The following GRAP2 variants were observed in gnomAD, a reference collection of about 807,000 sequenced individuals.
GRAP2 encodes the protein GRB2 related adaptor protein 2.
A neutral mutation model predicts 43.5 loss-of-function variants in GRAP2; 31 were observed. The ratio of observed to expected loss-of-function variants is 0.71; its 90% CI spans 0.54 to 0.96. The LOEUF (loss-of-function observed/expected upper bound fraction) is 0.96, where lower values mean the gene tolerates loss of function less well. Among genes scored for constraint, GRAP2 ranks in the 40% least tolerant of loss-of-function variants. The pLI, the probability that GRAP2 is intolerant of heterozygous loss-of-function variation, is 0.00. For synonymous variants in GRAP2, 156 were observed against 164.8 expected, an observed-to-expected ratio of 0.95 and a Z score of 0.41; for missense variants, 371 against 424.4, an observed-to-expected ratio of 0.87 and a Z score of 1.11.
chr22:39,941,401 G>A (rs527824380), intron 1 of GRAP2, among the ~76,000 whole-genome samples: 3 of 152,168 alleles, frequency 2.0e-5, no homozygotes, highest in Admixed American at 6.5e-5. Flanking sequence ...CTACTACTAG[G>A]CCTATATTCT....
intron 1 of GRAP2, among the ~76,000 whole-genome samples, chr22:39,928,821 C>T (rs1388847175): frequency 6.6e-6 from 1 of 152,186 alleles, no homozygotes; most frequent in Non-Finnish European, 1.5e-5. Context: ...CTGATGGGAA[C>T]AACAGAGCTG....
At chr22:39,898,986 T>A (rs1004179420), upstream of GRAP2, among the ~76,000 whole-genome samples, 1 of 152,250 alleles carries the variant, frequency 6.6e-6, no homozygotes, top group Non-Finnish European at 1.5e-5. Flanking sequence ...CTCATCTTGC[T>A]GCTATTTTTC....
intron 1 of GRAP2, among the ~76,000 whole-genome samples, chr22:39,907,925 T>C (rs2066534239): frequency 6.6e-6 from 1 of 152,194 alleles, no homozygotes; most frequent in Non-Finnish European, 1.5e-5. Flanking sequence ...GCACCAAGCC[T>C]GTCACGCTGT....
chr22:39,913,597 G>A (rs149738460), intron 1 of GRAP2, among the ~76,000 whole-genome samples: 115 of 152,280 alleles, frequency 7.6e-4, no homozygotes, highest in African/African-American at 2.7e-3. Context: ...TGGTTGACTT[G>A]CAAGAAGGGG....
At chr22:39,916,045 A>G (rs1480838260) in intron 1 of GRAP2, among the ~76,000 whole-genome samples, 1 of 151,980 alleles carries the variant, frequency 6.6e-6, no homozygotes, top group Non-Finnish European at 1.5e-5. Context: ...ACCTTCCCAA[A>G]TCCTAGCTGA....
At chr22:39,956,145 G>A (rs530235485) in intron 3 of GRAP2, among the ~76,000 whole-genome samples, 1 of 150,608 alleles carries the variant, frequency 6.6e-6, no homozygotes, top group South Asian at 2.1e-4. Context: ...GCTATTTTAA[G>A]TTGTTCTTAA....
chr22:39,907,604 C>A (rs1243292186), intron 1 of GRAP2, among the ~76,000 whole-genome samples: 1 of 151,938 alleles, frequency 6.6e-6, no homozygotes, highest in Non-Finnish European at 1.5e-5. Context: ...TAGCCAGGCC[C>A]AGTGGCCCGC....
intron 1 of GRAP2, among the ~76,000 whole-genome samples, chr22:39,920,479 CAGCCTCCA>C (rs2066640180): frequency 6.6e-6 from 1 of 152,214 alleles, no homozygotes; most frequent in South Asian, 2.1e-4. Flanking sequence ...TCTCCGGAAC[CAGCCTCCA>C]GGCCTCCTGC....
chr22:39,898,883 G>A (rs1218991735), upstream of GRAP2, among the ~76,000 whole-genome samples: 1 of 151,894 alleles, frequency 6.6e-6, no homozygotes, highest in Non-Finnish European at 1.5e-5. Context: ...CCCTCAAAAG[G>A]AATTGATTAA....
At chr22:39,917,732 T>C (rs1368259139) in intron 1 of GRAP2, among the ~76,000 whole-genome samples, 1 of 152,180 alleles carries the variant, frequency 6.6e-6, no homozygotes, top group Non-Finnish European at 1.5e-5. Context: ...ATGGCAAAAA[T>C]TGAGCAGAAT....
chr22:39,895,594 A>C, the GRAP2 span, among the ~76,000 whole-genome samples: 2 of 152,228 alleles, frequency 1.3e-5, no homozygotes, highest in African/African-American at 4.8e-5. Flanking sequence ...TGTATAGCTT[A>C]TGTAAATCTC....
At chr22:39,941,850 A>G (rs1327409718) in intron 1 of GRAP2, among the ~76,000 whole-genome samples, 2 of 151,928 alleles carry the variant, frequency 1.3e-5, no homozygotes, top group Admixed American at 6.6e-5. Context: ...GTTCTATATC[A>G]ACAGGAGAGG....
At chr22:39,925,326 C>A (rs993167434) in intron 1 of GRAP2, among the ~76,000 whole-genome samples, 4 of 152,184 alleles carry the variant, frequency 2.6e-5, no homozygotes, top group African/African-American at 9.7e-5. Context: ...ATACTTCTTA[C>A]AGATTCATAT....
the GRAP2 span, among the ~76,000 whole-genome samples, chr22:39,894,429 A>C: frequency 2.1e-5 from 1 of 47,198 alleles, no homozygotes; most frequent in South Asian, 8.9e-4. Context: ...GGGTGGGGGG[A>C]GGGGGGAGGG....
At chr22:39,894,041 T>C in the GRAP2 span, among the ~76,000 whole-genome samples, 293 of 150,374 alleles carry the variant, frequency 1.9e-3, 3 homozygotes, top group African/African-American at 6.9e-3. Flanking sequence ...TAAATAAAAA[T>C]GAGTATAAAT....
chr22:39,950,225 C>T (rs918253437), intron 2 of GRAP2, among the ~76,000 whole-genome samples: 5 of 152,316 alleles, frequency 3.3e-5, no homozygotes, highest in African/African-American at 1.2e-4. Context: ...CCTACCATCC[C>T]AGGGAAACAA....
chr22:39,952,467 C>T (rs1478678804), intron 2 of GRAP2, among the ~76,000 whole-genome samples: 3 of 152,100 alleles, frequency 2.0e-5, no homozygotes, highest in Admixed American at 6.5e-5. Context: ...AATTCAGAAG[C>T]GATGGATGGA....
intron 1 of GRAP2, among the ~76,000 whole-genome samples, chr22:39,919,046 G>A (rs2066627551): frequency 1.3e-5 from 2 of 152,162 alleles, no homozygotes; most frequent in Non-Finnish European, 2.9e-5. Context: ...TGGGGCCCAG[G>A]ATAATCACTT....
chr22:39,923,773 G>C (rs2066673971), intron 1 of GRAP2, among the ~76,000 whole-genome samples: 1 of 152,354 alleles, frequency 6.6e-6, no homozygotes, highest in African/African-American at 2.4e-5. Context: ...AAGTTTAAAA[G>C]CTACTTTTCT....
Sources: allele counts gnomAD v4.1 joint callset (sites outside exome capture counted in the v4.1 genomes callset), GRCh38; gene constraint gnomAD v4.1.1; transcripts MANE v1.5; gene names NCBI Gene and HGNC (gene_info 2026-07-23, HGNC 2026-07-21).